Variants in CELF2 observed in about 807,000 individuals in gnomAD.
The protein encoded by CELF2 is CUGBP Elav-like family member 2.
In CELF2, 8 loss-of-function variants were observed where a neutral mutation model predicts 62.6. The observed-to-expected ratio is 0.13, with a 90% CI of 0.07 to 0.23. The LOEUF (loss-of-function observed/expected upper bound fraction) is 0.23, where lower values mean the gene tolerates loss of function less well. Among genes scored for constraint, CELF2 ranks in the 10% least tolerant of loss-of-function variants. CELF2 has a pLI of 1.00. For missense variants in CELF2, 333 were observed against 671.0 expected, an observed-to-expected ratio of 0.50 and a Z score of 5.56; for synonymous variants, 258 against 250.0, an observed-to-expected ratio of 1.03 and a Z score of -0.30.
the CELF2 span, among the ~76,000 whole-genome samples, chr10:10,639,811 A>G: frequency 1.3e-5 from 2 of 152,176 alleles, no homozygotes. Context: ...CACCTTACCA[A>G]GCAAACAAGA....
the CELF2 span, among the ~76,000 whole-genome samples, chr10:10,737,812 A>G: frequency 3.2e-4 from 49 of 152,304 alleles, no homozygotes; most frequent in South Asian, 9.5e-3. Context: ...ACACCCAGCT[A>G]TAATCTAAGG....
the CELF2 span, among the ~76,000 whole-genome samples, chr10:10,600,201 G>A: frequency 3.9e-5 from 6 of 152,344 alleles, no homozygotes; most frequent in South Asian, 1.2e-3. Flanking sequence ...CTCAGAAAGA[G>A]GAAGCTGGTT....
At chr10:10,977,233 G>A (rs1417702998) in intron 2 of CELF2, among the ~76,000 whole-genome samples, 1 of 152,154 alleles carries the variant, frequency 6.6e-6, no homozygotes, top group Non-Finnish European at 1.5e-5. Flanking sequence ...TCAGCTCCCT[G>A]CAAGTCATTT....
At chr10:10,889,985 C>T (rs1413665998) in intron 1 of CELF2, among the ~76,000 whole-genome samples, 1 of 152,152 alleles carries the variant, frequency 6.6e-6, no homozygotes, top group Admixed American at 6.5e-5. Flanking sequence ...TCATCTTCAT[C>T]TTCTATGCTA....
intron 1 of CELF2, among the ~76,000 whole-genome samples, chr10:10,917,320 A>G (rs1363260893): frequency 6.6e-6 from 1 of 152,122 alleles, no homozygotes; most frequent in African/African-American, 2.4e-5. Context: ...TTTCTATTGC[A>G]GTGGATTGTT....
At chr10:10,690,894 T>C in the CELF2 span, among the ~76,000 whole-genome samples, 2 of 152,004 alleles carry the variant, frequency 1.3e-5, no homozygotes, top group Non-Finnish European at 2.9e-5. Context: ...AACAAACAAA[T>C]ACCAGCTCAA....
chr10:10,552,116 A>C, the CELF2 span, among the ~76,000 whole-genome samples: 1 of 152,206 alleles, frequency 6.6e-6, no homozygotes, highest in East Asian at 1.9e-4. Flanking sequence ...TACCTCTGAC[A>C]CAAGGCTTTT....
intron 1 of CELF2, among the ~76,000 whole-genome samples, chr10:10,811,385 G>A (rs9424099): frequency 0.013 from 1,939 of 152,114 alleles, 14 homozygotes; most frequent in Middle Eastern, 0.024. Context: ...ATAGAGTCAG[G>A]AAGTGAAAAA....
At chr10:11,284,499 TGGGG>T (rs768265150) in intron 8 of CELF2, among the ~76,000 whole-genome samples, 1 of 54,088 alleles carries the variant, frequency 1.8e-5, no homozygotes, top group Admixed American at 2.2e-4. Context: ...GAGTGTGTGG[TGGGG>T]GATGAGGGAT....
intron 9 of CELF2, among the ~76,000 whole-genome samples, chr10:11,299,808 C>G (rs1214101909): frequency 2.0e-5 from 1 of 49,744 alleles, no homozygotes; most frequent in Non-Finnish European, 4.1e-5. Flanking sequence ...GTAAGGAGAT[C>G]ATCAACATTT....
At chr10:10,645,730 A>G in the CELF2 span, among the ~76,000 whole-genome samples, 1 of 152,194 alleles carries the variant, frequency 6.6e-6, no homozygotes, top group Non-Finnish European at 1.5e-5. Flanking sequence ...TGTCCTGTTC[A>G]CTGTACATCT....
the CELF2 span, among the ~76,000 whole-genome samples, chr10:10,502,053 G>A: frequency 1.3e-5 from 2 of 151,862 alleles, no homozygotes; most frequent in African/African-American, 4.8e-5. Context: ...CTAATATGGT[G>A]GATTACATTA....
chr10:10,708,115 G>T, the CELF2 span, among the ~76,000 whole-genome samples: 2 of 152,118 alleles, frequency 1.3e-5, no homozygotes, highest in East Asian at 1.9e-4. Flanking sequence ...ACATATTTGA[G>T]GCAGGGAGCA....
At chr10:11,009,961 T>C (rs867544078) in intron 1 of CELF2, among the ~76,000 whole-genome samples, 1 of 152,274 alleles carries the variant, frequency 6.6e-6, no homozygotes. Context: ...CACGGGCTTC[T>C]AGCAGGTCTG....
At position 10,993,101 on chromosome 10, in the gene CELF2, T is replaced by C. The variant is rs1393897879; in HGVS notation, c.89+73102T>C. ...GATGATCCAGGGCAGGGCAGAACAATTGCAGGGCCAGCTGCTGTTTCCCAC... is the reference window on the plus strand; with the variant it reads ...GATGATCCAGGGCAGGGCAGAACAACTGCAGGGCCAGCTGCTGTTTCCCAC... On this transcript the variant is annotated intron_variant, in intron 2 of 13. Coordinates refer to the CELF2 transcript ENST00000636488. This position sits in a 1 kb window ranked among gnomAD's most constrained non-coding sequence, Gnocchi z 5.3. 6.6e-6 allele frequency among the ~76,000 whole-genome samples: 1 copy of C among 152,126 alleles called. No homozygotes were observed. The highest frequency in any genetic ancestry group is 1.5e-5 in the Non-Finnish European group (1 of 68,010).
At chr10:10,769,695 C>T in the CELF2 span, among the ~76,000 whole-genome samples, 3 of 152,050 alleles carry the variant, frequency 2.0e-5, no homozygotes, top group Admixed American at 1.3e-4. Flanking sequence ...ACCCAGGAGG[C>T]GGAGGTTGCA....
At chr10:10,642,310 A>G in the CELF2 span, among the ~76,000 whole-genome samples, 1 of 152,194 alleles carries the variant, frequency 6.6e-6, no homozygotes, top group Non-Finnish European at 1.5e-5. Flanking sequence ...GGTCACACCA[A>G]CCTTCATACT....
the CELF2 span, among the ~76,000 whole-genome samples, chr10:10,786,358 T>C: frequency 4.1e-4 from 62 of 152,118 alleles, 1 homozygote; most frequent in South Asian, 0.012. Context: ...TGGTCTTGGG[T>C]ATTTACAAGA....
chr10:11,323,393 T>C (rs1029395051), intron 11 of CELF2, among the ~76,000 whole-genome samples: 3 of 149,990 alleles, frequency 2.0e-5, no homozygotes, highest in African/African-American at 7.3e-5. Context: ...TAAAACATAA[T>C]TTTAAAAGCA....
Sources: allele counts gnomAD v4.1 joint callset (sites outside exome capture counted in the v4.1 genomes callset), GRCh38; gene constraint gnomAD v4.1.1; non-coding constraint Gnocchi (gnomAD v3.1); transcripts MANE v1.5; gene names NCBI Gene and HGNC (gene_info 2026-07-23, HGNC 2026-07-21).